NUAK1: variants seen among roughly 807,000 people sequenced by gnomAD.
NUAK1 encodes the protein NUAK family kinase 1.
In NUAK1, 26 loss-of-function variants were observed where a neutral mutation model predicts 56.9. The observed-to-expected ratio is 0.46, with a 90% CI of 0.33 to 0.63. The LOEUF is 0.63. Among genes scored for constraint, NUAK1 ranks in the 30% least tolerant of loss-of-function variants. The pLI, the probability that NUAK1 is intolerant of heterozygous loss-of-function variation, is 0.02. For synonymous variants in NUAK1, 337 were observed against 336.0 expected (o/e 1.00, Z -0.03); for missense variants, 727 against 876.1 (o/e 0.83, Z 2.15).
At chr12:106,076,956 A>G (rs1458191147) in intron 4 of NUAK1, among the ~76,000 whole-genome samples, 2 of 152,202 alleles carry the variant, frequency 1.3e-5, no homozygotes, top group Middle Eastern at 3.2e-3. Flanking sequence ...ATATGAGTAT[A>G]CTTAATGCCA....
chr12:106,100,119 C>A (rs2136468985), intron 2 of NUAK1, among the ~76,000 whole-genome samples: 1 of 150,644 alleles, frequency 6.6e-6, no homozygotes, highest in South Asian at 2.1e-4. Flanking sequence ...TCTCTACCAA[C>A]ATGACCTCCC....
Position 106,138,910 on chromosome 12 carries a change from G to A in NUAK1, c.-257C>T, listed in dbSNP as rs986422409. The A allele has an allele frequency of 1.1e-5, 4 of 379,344 alleles. No individual in the cohort carries two copies. Among genetic ancestry groups the A allele is most frequent in the African/African-American group, 8.5e-5 (4 of 47,166 alleles). The allele number at this position is 379,344 out of a possible 1,614,324, so 23.5% of individuals were successfully genotyped here. A position where few individuals can be genotyped will look rare whatever the true frequency, so the allele number is the denominator to read the frequency against. On this transcript the variant is annotated 5_prime_UTR_variant, in exon 1 of 7. Coordinates refer to ENST00000261402, the MANE Select transcript of NUAK1 (RefSeq NM_014840.3). The surrounding 1 kb of genome is among the most constrained non-coding windows in gnomAD (Gnocchi z 5.0). ...TGGAGCGTCGGGCGAGGTGGCGGCGGTGGCAGGGGAGGCGGTGGTGTTTGC... is the reference window on the plus strand; with the variant it reads ...TGGAGCGTCGGGCGAGGTGGCGGCGATGGCAGGGGAGGCGGTGGTGTTTGC...
intron 5 of NUAK1, 22 bp from the exon 6 acceptor site, chr12:106,070,928 T>C (rs761447978): frequency 1.9e-6 from 3 of 1,613,552 alleles, no homozygotes; most frequent in South Asian, 2.2e-5. Context: ...AGACAGCACA[T>C]ATAGGAGAGC....
intron 3 of NUAK1, among the ~76,000 whole-genome samples, chr12:106,086,321 C>G (rs542755167): frequency 6.6e-6 from 1 of 152,124 alleles, no homozygotes; most frequent in East Asian, 1.9e-4. Context: ...CCGTGGTACC[C>G]TAGATTGGAT....
At chr12:106,089,889 C>T (rs2032617870) in intron 2 of NUAK1, among the ~76,000 whole-genome samples, 1 of 152,204 alleles carries the variant, frequency 6.6e-6, no homozygotes, top group African/African-American at 2.4e-5. Context: ...ACACTTGCCT[C>T]CCTGCTGACT....
chr12:106,067,691 C>T lies in NUAK1; in HGVS notation c.1097G>A (p.Arg366Gln), dbSNP rs768508553. The change falls in exon 7 of 7, where the codon CGG (arginine) becomes CAG (glutamine). Residue 366 changes from arginine (R) to glutamine (Q), a missense_variant. Physicochemically the swap from Arg to Gln is conservative, Grantham distance 43. Transcript: ENST00000261402. The surrounding 1 kb of genome is among the most constrained non-coding windows in gnomAD (Gnocchi z 6.0). The part of the protein sequence containing the change: ...TTSEVMLERQ[R>Q]SLKKSKKEND... ...CTCTTTCTTGGATTTCTTCAGCGAC[C>T]GCTGCCGCTCTAGCATGACCTCAGA... 16 of 1,614,226 alleles carry T rather than the reference C, an allele frequency of 9.9e-6. No homozygotes were observed. Among genetic ancestry groups the T allele is most frequent in the East Asian group, 4.5e-5 (2 of 44,880 alleles).
At chr12:106,076,481 C>A (rs2032466631) in intron 4 of NUAK1, among the ~76,000 whole-genome samples, 1 of 152,132 alleles carries the variant, frequency 6.6e-6, no homozygotes. Flanking sequence ...TGCTCCCCTG[C>A]CCCATACTGA....
At chr12:106,089,124 G>A (rs2032607404) in intron 2 of NUAK1, among the ~76,000 whole-genome samples, 1 of 152,262 alleles carries the variant, frequency 6.6e-6, no homozygotes, top group South Asian at 2.1e-4. Context: ...CGGGATGCAT[G>A]GCCCAGGCCC....
rs554144989 is a variant in NUAK1 at position 106,099,831 on chromosome 12, C to T, written c.361+6574G>A. On this transcript the variant is annotated intron_variant, in intron 2 of 6. Coordinates refer to ENST00000261402, the MANE Select transcript of NUAK1 (RefSeq NM_014840.3). ...TGTGAGATGGGGTCTCACTCTGTCA[C>T]CCAGGCTGGAGTGCAGTGGCACAAA... 4.0e-5 allele frequency among the ~76,000 whole-genome samples: 6 copies of T among 151,786 alleles called. No homozygotes were observed. The East Asian group carries it at 7.9e-4, about 20-fold the overall frequency.
intron 1 of NUAK1, among the ~76,000 whole-genome samples, chr12:106,128,373 C>T (rs568471696): frequency 6.6e-6 from 1 of 152,050 alleles, no homozygotes; most frequent in African/African-American, 2.4e-5. Context: ...TCAAATAATC[C>T]ACCCACCTCG....
chr12:106,131,267 G>A (rs2033076644), intron 1 of NUAK1, among the ~76,000 whole-genome samples: 1 of 152,044 alleles, frequency 6.6e-6, no homozygotes, highest in Non-Finnish European at 1.5e-5. Context: ...TATATTCGGA[G>A]GGGTGCAACC....
rs1324401857 is a variant in NUAK1, at chr12:106,063,418, T to C, written c.*3384A>G. On this transcript the variant is annotated 3_prime_UTR_variant, in exon 7 of 7. Transcript: ENST00000261402. Reference sequence around the variant, plus strand: ...AACCAAAATGAAACAAAAATCAGTTTCCAACGAAAATACAAACACTTTGGG... The same window carrying C: ...AACCAAAATGAAACAAAAATCAGTTCCCAACGAAAATACAAACACTTTGGG... 1.3e-5 allele frequency: 2 copies of C among 152,556 alleles called. No homozygotes were observed. Among genetic ancestry groups the C allele is most frequent in the Non-Finnish European group, 2.9e-5 (2 of 68,038 alleles). The allele number at this position is 152,556 out of a possible 1,614,324, so 9.5% of individuals were successfully genotyped here.
At chr12:106,111,518 T>C (rs936084652) in intron 1 of NUAK1, among the ~76,000 whole-genome samples, 3 of 152,106 alleles carry the variant, frequency 2.0e-5, no homozygotes, top group African/African-American at 7.2e-5. Flanking sequence ...CCCTGCATGC[T>C]CATTCATTGA....
intron 1 of NUAK1, among the ~76,000 whole-genome samples, chr12:106,117,975 G>A (rs1024856523): frequency 2.0e-5 from 3 of 152,194 alleles, no homozygotes; most frequent in Admixed American, 2.0e-4. Flanking sequence ...TATAAAAAAT[G>A]ATGACTATCG....
In NUAK1 at chr12:106,067,161, G is replaced by A. The variant is rs1294686966; in HGVS notation, c.1627C>T (p.Pro543Ser). The A allele has an allele frequency of 1.4e-5, 23 of 1,614,032 alleles. No homozygotes were observed. The highest frequency in any genetic ancestry group is 1.1e-4 in the East Asian group (5 of 44,884). Residue 543 changes from proline (P) to serine (S), a missense_variant, in exon 7 of 7, where the codon CCT (proline) becomes TCT (serine). By Grantham distance (74) the Pro-to-Ser change is moderately conservative (BLOSUM62 -1). Transcript: ENST00000261402. The surrounding 1 kb of genome is among the most constrained non-coding windows in gnomAD (Gnocchi z 6.0). ...AGGGATTCCAGTGTGGGCATTTCAGGGCTGACCAGGGCTGGGTCCATGGTG... is the reference window on the plus strand; with the variant it reads ...AGGGATTCCAGTGTGGGCATTTCAGAGCTGACCAGGGCTGGGTCCATGGTG... ...AGTMDPALVS[P>S]EMPTLESLSE...
intron 1 of NUAK1, among the ~76,000 whole-genome samples, chr12:106,125,914 C>CCG (rs34374649): frequency 0.4 from 59,993 of 151,848 alleles, 13,541 homozygotes; most frequent in South Asian, 0.5. Context: ...ATTAGTCTCC[C>CCG]CCCTGCATGC....
chr12:106,115,585 G>A (rs75635226), intron 1 of NUAK1, among the ~76,000 whole-genome samples: 1 of 152,186 alleles, frequency 6.6e-6, no homozygotes, highest in Non-Finnish European at 1.5e-5. Context: ...TATTCCTAGA[G>A]TTAAAAGGCT....
Position 106,138,712 on chromosome 12 carries a change from T to G in NUAK1, c.-59A>C. On this transcript the variant is annotated 5_prime_UTR_variant, in exon 1 of 7. Transcript: ENST00000261402. This position sits in a 1 kb window ranked among gnomAD's most constrained non-coding sequence, Gnocchi z 5.0. ...CAAGACCGGGCACAGCGCTGGGATG[T>G]CGGGGTCCCCACCGAGGGAAGCCGC... 1 of 1,437,482 alleles carries G rather than the reference T, an allele frequency of 7.0e-7. No individual in the cohort carries two copies. Among genetic ancestry groups the G allele is most frequent in the Non-Finnish European group, 9.1e-7 (1 of 1,103,478 alleles). 89.0% of individuals were successfully genotyped at this position (1,437,482 alleles called of 1,614,324 possible).
chr12:106,078,268 C>T (rs1395176607), intron 4 of NUAK1, among the ~76,000 whole-genome samples: 1 of 152,186 alleles, frequency 6.6e-6, no homozygotes, highest in African/African-American at 2.4e-5. Flanking sequence ...TGCTATATGC[C>T]AGGCACGGTT....
Sources: gnomAD v4.1 joint callset for allele counts (sites outside exome capture counted in the v4.1 genomes callset) on GRCh38, gnomAD v4.1.1 for gene constraint, Gnocchi (gnomAD v3.1) non-coding constraint, MANE v1.5 for transcripts, NCBI Gene and HGNC (gene_info 2026-07-23, HGNC 2026-07-21) for gene names.